The following CDH1 variants were observed in gnomAD, a reference collection of about 807,000 sequenced individuals.
CDH1 encodes cadherin-1.
CDH1 carries 35 observed loss-of-function variants against 84.5 expected under a neutral mutation model. The ratio of observed to expected loss-of-function variants is 0.41; its 90% CI spans 0.32 to 0.55. CDH1 has a LOEUF of 0.55. Among genes scored for constraint, CDH1 ranks in the 20% least tolerant of loss-of-function variants. The pLI is 0.19. For missense variants in CDH1, 994 were observed against 1,126.6 expected (o/e 0.88, Z 1.68); for synonymous variants, 417 against 439.0 (o/e 0.95, Z 0.63).
intron 2 of CDH1, among the ~76,000 whole-genome samples, chr16:68,796,359 C>T (rs1960361219): frequency 6.6e-6 from 1 of 152,126 alleles, no homozygotes; most frequent in African/African-American, 2.4e-5. Context: ...TGGTTTGCTG[C>T]CTTCCATAGC....
At chr16:68,740,985 G>A (rs931763494) in intron 2 of CDH1, among the ~76,000 whole-genome samples, 3 of 151,982 alleles carry the variant, frequency 2.0e-5, no homozygotes, top group Admixed American at 6.6e-5. Flanking sequence ...GGGAATTAGT[G>A]TCCAATGTGA....
intron 2 of CDH1, among the ~76,000 whole-genome samples, chr16:68,777,503 G>A (rs901090292): frequency 2.0e-5 from 3 of 150,842 alleles, no homozygotes; most frequent in Admixed American, 6.6e-5. Context: ...GTGTTTGTGG[G>A]GTGGTAGTGT....
chr16:68,833,254 T>G lies in CDH1; in HGVS notation c.2440-36T>G. 1.3e-6 allele frequency: 2 copies of G among 1,588,654 alleles called. 1 individual carries two copies. Among genetic ancestry groups the G allele is most frequent in the South Asian group, 2.2e-5 (2 of 90,582 alleles). ...CCCCAGATGACAGGTGTGCCCTTCC[T>G]TTCACTAAAAGATGCTTTTGTCCCT... On this transcript the variant is annotated intron_variant, in intron 15 of 15. Coordinates refer to ENST00000261769, the MANE Select transcript of CDH1 (RefSeq NM_004360.5).
At chr16:68,815,881 A>T (rs1960975657) in intron 10 of CDH1, 122 bp downstream of exon 10, 1 of 1,213,278 alleles carries the variant, frequency 8.2e-7, no homozygotes, top group African/African-American at 1.5e-5. Context: ...CCATTCTCTT[A>T]ATTTATTTTT....
At position 68,769,744 on chromosome 16, in the gene CDH1, A is replaced by T. The variant is rs139089474; in HGVS notation, c.163+31333A>T. Among the ~76,000 whole-genome samples, 1,488 of 151,932 alleles carry T rather than the reference A, an allele frequency of 9.8e-3. 7 individuals carry two copies. The highest frequency in any genetic ancestry group is 0.015 in the Non-Finnish European group (1,015 of 67,946). ...GGAGTTCAAGACCAGCCCGGGCAAC[A>T]TAGGGAGACCCCATCTCTACAAAAG... On this transcript the variant is annotated intron_variant, in intron 2 of 15. Coordinates refer to ENST00000261769, the MANE Select transcript of CDH1 (RefSeq NM_004360.5).
chr16:68,829,533 A>G, intron 14 of CDH1, 121 bp from the exon 15 acceptor site: 1 of 991,050 alleles, frequency 1.0e-6, no homozygotes, highest in Non-Finnish European at 1.5e-6. Context: ...TAAACTGGTA[A>G]AGATCATACA....
At chr16:68,760,637 TTCTCTTCCGCACAGTGTGTG>T (rs1223106728) in intron 2 of CDH1, among the ~76,000 whole-genome samples, 1 of 152,152 alleles carries the variant, frequency 6.6e-6, no homozygotes, top group Non-Finnish European at 1.5e-5. Flanking sequence ...TGAGGTTTAG[TTCTCTTCCGCACAGTGTGTG>T]AGTGCCTTCT....
At chr16:68,748,560 T>A (rs1318585763) in intron 2 of CDH1, among the ~76,000 whole-genome samples, 1 of 152,240 alleles carries the variant, frequency 6.6e-6, no homozygotes. Context: ...GGTAGTGTCC[T>A]ATCTTTTAGG....
Position 68,833,277 on chromosome 16 carries a change from C to A in CDH1, c.2440-13C>A, listed in dbSNP as rs1567517555. The A allele has an allele frequency of 6.2e-7, 1 of 1,611,370 alleles. No individual in the cohort carries two copies. The highest frequency in any genetic ancestry group is 8.5e-7 in the Non-Finnish European group (1 of 1,177,548). On this transcript the variant is annotated splice_polypyrimidine_tract_variant and intron_variant, in intron 15 of 15. Transcript: ENST00000261769. ...CCTTTCACTAAAAGATGCTTTTGTC[C>A]CTTCTTCTTTAGAATCTGAAAGCGG...
At chr16:68,794,739 T>G (rs1332827720) in intron 2 of CDH1, among the ~76,000 whole-genome samples, 1 of 146,774 alleles carries the variant, frequency 6.8e-6, no homozygotes. Context: ...CAGGCTGGAG[T>G]GCAGTGGCAC....
intron 2 of CDH1, among the ~76,000 whole-genome samples, chr16:68,749,894 A>G (rs914651260): frequency 1.3e-5 from 2 of 152,198 alleles, no homozygotes; most frequent in African/African-American, 4.8e-5. Flanking sequence ...TCATCTTTCT[A>G]AAGGAAACGA....
intron 9 of CDH1, 107 bp downstream of exon 9, chr16:68,813,602 G>T (rs780132669): frequency 8.0e-6 from 9 of 1,124,962 alleles, no homozygotes; most frequent in Middle Eastern, 1.9e-4. Context: ...CAGGGGGACA[G>T]GGTGACTTTC....
chr16:68,738,447 G>A (rs1397866567), intron 2 of CDH1, 36 bp downstream of exon 2: 4 of 1,445,056 alleles, frequency 2.8e-6, no homozygotes, highest in Non-Finnish European at 3.8e-6. Context: ...GGGCGGAGTA[G>A]GGAGGGGTTG....
At chr16:68,756,619 C>A (rs767153758) in intron 2 of CDH1, among the ~76,000 whole-genome samples, 11 of 152,216 alleles carry the variant, frequency 7.2e-5, no homozygotes, top group Non-Finnish European at 1.2e-4. Flanking sequence ...TACCACCTAA[C>A]TCCCAGGCTT....
intron 3 of CDH1, among the ~76,000 whole-genome samples, chr16:68,806,164 ATTTT>A (rs1960654106): frequency 1.6e-5 from 2 of 123,148 alleles, no homozygotes; most frequent in Non-Finnish European, 3.5e-5. Flanking sequence ...TTATTTATTT[ATTTT>A]TGAGACAGAA....
intron 2 of CDH1, chr16:68,765,676 A>G (rs978544444): frequency 1.6e-4 from 22 of 137,874 alleles, no homozygotes; most frequent in Admixed American, 1.3e-3. Context: ...GCCTCAAGAC[A>G]GGTGACCTGT....
At chr16:68,785,023 G>GA (rs34654863) in intron 2 of CDH1, among the ~76,000 whole-genome samples, 47 of 150,092 alleles carry the variant, frequency 3.1e-4, no homozygotes, top group Admixed American at 1.3e-4. Context: ...GGACACCATT[G>GA]AAAAAAAAAT....
chr16:68,811,959 A>C, intron 7 of CDH1, 100 bp downstream of exon 7: 1 of 1,472,082 alleles, frequency 6.8e-7, no homozygotes, highest in African/African-American at 1.4e-5. Context: ...GTCAGTTAAT[A>C]CAGTGATGGT....
intron 2 of CDH1, among the ~76,000 whole-genome samples, chr16:68,789,136 A>ACC (rs1960144767): frequency 6.6e-6 from 1 of 152,018 alleles, no homozygotes; most frequent in Admixed American, 6.6e-5. Flanking sequence ...TGATCCTCCT[A>ACC]CCTCAGCCCT....
Sources: allele counts gnomAD v4.1 joint callset (sites outside exome capture counted in the v4.1 genomes callset), GRCh38; gene constraint gnomAD v4.1.1; transcripts MANE v1.5; gene names NCBI Gene and HGNC (gene_info 2026-07-23, HGNC 2026-07-21).